Variants in UBE2W observed in about 807,000 individuals in gnomAD.
UBE2W encodes ubiquitin-conjugating enzyme E2 W.
In UBE2W, 18 loss-of-function variants were observed where a neutral mutation model predicts 27.2. The ratio of observed to expected loss-of-function variants is 0.66; its 90% CI spans 0.46 to 0.98. UBE2W has a LOEUF of 0.98. UBE2W is among the 50% of genes least tolerant of loss of function. The pLI, the probability that UBE2W is intolerant of heterozygous loss-of-function variation, is 0.00. For synonymous variants in UBE2W, 53 were observed against 57.2 expected (o/e 0.93, Z 0.33); for missense variants, 90 against 180.2 (o/e 0.50, Z 2.87).
intron 1 of UBE2W, among the ~76,000 whole-genome samples, chr8:73,855,488 G>A (rs912381291): frequency 7.5e-6 from 1 of 133,302 alleles, no homozygotes; most frequent in Non-Finnish European, 1.5e-5. Context: ...TGCAACCTCC[G>A]CCTCACGGGT....
At chr8:73,821,184 T>C (rs1301628815) in intron 3 of UBE2W, among the ~76,000 whole-genome samples, 1 of 152,190 alleles carries the variant, frequency 6.6e-6, no homozygotes, top group Non-Finnish European at 1.5e-5. Context: ...TTGACTGTCC[T>C]ATAAACTAGG....
At chr8:73,780,627 T>A in intron 4 of UBE2W, 1 of 378,120 alleles carries the variant, frequency 2.6e-6, no homozygotes, top group East Asian at 7.3e-5. Flanking sequence ...GTTGAAGCAA[T>A]CTTCACACCT....
chr8:73,839,665 A>C (rs1478445865), intron 1 of UBE2W, among the ~76,000 whole-genome samples: 13 of 151,464 alleles, frequency 8.6e-5, no homozygotes, highest in Admixed American at 3.3e-4. Flanking sequence ...TCAAAAAAAA[A>C]CACAAAAAAC....
rs1808273663 is a variant in UBE2W, at chr8:73,793,179, G to A, written c.*923C>T. On this transcript the variant is annotated 3_prime_UTR_variant, in exon 6 of 6. Transcript: ENST00000602593. ...ACATAAATAAATGAAATAGTGTTTA[G>A]GCAGTAGGGCTCATGCTGATGGCTA... The A allele has an allele frequency of 1.0e-6, 1 of 985,704 alleles. No homozygotes were observed. Among genetic ancestry groups the A allele is most frequent in the Admixed American group, 6.2e-5 (1 of 16,252 alleles). The allele number at this position is 985,704 out of a possible 1,614,324, so 61.1% of individuals were successfully genotyped here. A position where few individuals can be genotyped will look rare whatever the true frequency, so the allele number is the denominator to read the frequency against.
chr8:73,851,323 G>A (rs2130949811), intron 1 of UBE2W, among the ~76,000 whole-genome samples: 1 of 152,032 alleles, frequency 6.6e-6, no homozygotes, highest in South Asian at 2.1e-4. Context: ...TGAAGAGACG[G>A]GTAAAGGCTA....
chr8:73,828,334 A>G (rs986177742), intron 2 of UBE2W, among the ~76,000 whole-genome samples: 5 of 151,950 alleles, frequency 3.3e-5, no homozygotes, highest in Non-Finnish European at 5.9e-5. Context: ...TTCCTAAAGG[A>G]TTTTTCAAAG....
intron 3 of UBE2W, among the ~76,000 whole-genome samples, chr8:73,811,881 A>G (rs1003380983): frequency 1.3e-5 from 2 of 152,132 alleles, no homozygotes; most frequent in Non-Finnish European, 2.9e-5. Flanking sequence ...AGTGAGGTAA[A>G]TATGAATAGA....
Position 73,817,751 on chromosome 8 carries a change from G to C in UBE2W, c.211-7122C>G, listed in dbSNP as rs140972633. 8.3e-3 allele frequency among the ~76,000 whole-genome samples: 1,271 copies of C among 152,302 alleles called. 9 individuals are homozygous for C. Among genetic ancestry groups the C allele is most frequent in the Middle Eastern group, 0.034 (10 of 294 alleles). On this transcript the variant is annotated intron_variant, in intron 3 of 5. Coordinates refer to ENST00000602593, the MANE Select transcript of UBE2W (RefSeq NM_018299.6). ...TGGTCTCAAACTCCTGACCTCAAGTGATCTGCCTGCCTTGGCCTCCCAAAG... is the reference window on the plus strand; with the variant it reads ...TGGTCTCAAACTCCTGACCTCAAGTCATCTGCCTGCCTTGGCCTCCCAAAG...
rs1254739442 is a variant in UBE2W, at chr8:73,805,472, C to CAAACAAAAAACAAAAAACAAAAAAAA, written c.442+178_442+179insTTTTTTTTGTTTTTTGTTTTTTGTTT. Among the ~76,000 whole-genome samples, 87 of 43,698 alleles carry CAAACAAAAAACAAAAAACAAAAAAAA rather than the reference C, an allele frequency of 2.0e-3. 6 individuals are homozygous for CAAACAAAAAACAAAAAACAAAAAAAA. Among genetic ancestry groups the CAAACAAAAAACAAAAAACAAAAAAAA allele is most frequent in the Non-Finnish European group, 3.7e-3 (75 of 20,126 alleles). 28.7% of individuals were successfully genotyped at this position (43,698 alleles called of 152,430 possible). On this transcript the variant is annotated intron_variant, in intron 5 of 5. Transcript: ENST00000602593. ...TCCATCTCAAAAAAAAAAAAAAAAA[C>CAAACAAAAAACAAAAAACAAAAAAAA]AAAAAAAACTAGGGTAATTCATCCA...
At position 73,830,016 on chromosome 8, in the gene UBE2W, T is replaced by A. The variant is rs1018009065; in HGVS notation, c.107+365A>T. Among the ~76,000 whole-genome samples the A allele has an allele frequency of 3.9e-5, 6 of 152,316 alleles. 1 individual carries two copies. In the South Asian group the frequency reaches 8.3e-4, roughly 21 times the overall value. ...GCATGGGATACCTTTTGACTATTAC[T>A]CTCTTCATATGCCTAAATAGATACA... On this transcript the variant is annotated intron_variant, in intron 2 of 5. Coordinates refer to ENST00000602593, the MANE Select transcript of UBE2W (RefSeq NM_018299.6).
At chr8:73,806,088 G>A (rs1401864362) in intron 4 of UBE2W, among the ~76,000 whole-genome samples, 1 of 152,134 alleles carries the variant, frequency 6.6e-6, no homozygotes. Flanking sequence ...CCGGGAGGCA[G>A]AGGTTGCAGT....
chr8:73,811,822 T>C (rs1809165339), intron 3 of UBE2W, among the ~76,000 whole-genome samples: 1 of 152,100 alleles, frequency 6.6e-6, no homozygotes, highest in African/African-American at 2.4e-5. Flanking sequence ...ATATACAGTA[T>C]TGCTTTAGGC....
chr8:73,797,096 A>G (rs1379980203), intron 5 of UBE2W, among the ~76,000 whole-genome samples: 9 of 152,230 alleles, frequency 5.9e-5, no homozygotes, highest in Non-Finnish European at 1.3e-4. Flanking sequence ...ACTTTCAAAT[A>G]TAACATACAA....
In UBE2W at chr8:73,860,208, A is replaced by C. The variant is rs368602267; in HGVS notation, c.15+18600T>G. On this transcript the variant is annotated intron_variant, in intron 1 of 5. Transcript: ENST00000602593. Reference sequence around the variant, plus strand: ...CTGCAAAGTGAAAGAATTACCAACCAAATATTAACTGGGCTGAAAGATGTG... The same window carrying C: ...CTGCAAAGTGAAAGAATTACCAACCCAATATTAACTGGGCTGAAAGATGTG... Among the ~76,000 whole-genome samples the C allele has an allele frequency of 2.0e-5, 3 of 152,152 alleles. No homozygotes were observed. The South Asian group carries it at 6.2e-4, about 32-fold the overall frequency.
At chr8:73,796,584 C>G in intron 5 of UBE2W, 1 of 923,924 alleles carries the variant, frequency 1.1e-6, no homozygotes. Context: ...ATCCCTGTTT[C>G]TGACTGATAT....
In UBE2W at chr8:73,800,913, A is replaced by G. The variant is rs184631753; in HGVS notation, c.442+4738T>C. On this transcript the variant is annotated intron_variant, in intron 5 of 5. Transcript: ENST00000602593. Reference sequence around the variant, plus strand: ...TTCAAGACCAGCCTGACCAACATGGAGAAACCTCATCTCTATTAAAAATAC... The same window carrying G: ...TTCAAGACCAGCCTGACCAACATGGGGAAACCTCATCTCTATTAAAAATAC... Among the ~76,000 whole-genome samples the G allele has an allele frequency of 4.3e-3, 648 of 152,218 alleles. 6 individuals are homozygous for G. Among genetic ancestry groups the G allele is most frequent in the African/African-American group, 0.015 (622 of 41,548 alleles).
At chr8:73,850,515 A>C (rs1238749180) in intron 1 of UBE2W, among the ~76,000 whole-genome samples, 1 of 152,160 alleles carries the variant, frequency 6.6e-6, no homozygotes, top group Admixed American at 6.5e-5. Flanking sequence ...CTTAGCTTTA[A>C]AAATATACTG....
chr8:73,824,844 T>TAG (rs770016183), intron 3 of UBE2W, among the ~76,000 whole-genome samples: 4 of 152,174 alleles, frequency 2.6e-5, no homozygotes, highest in Non-Finnish European at 5.9e-5. Context: ...CATGGACCAG[T>TAG]ACTAGTCCAC....
At chr8:73,824,876 T>C (rs1809769768) in intron 3 of UBE2W, among the ~76,000 whole-genome samples, 1 of 152,228 alleles carries the variant, frequency 6.6e-6, no homozygotes, top group Non-Finnish European at 1.5e-5. Flanking sequence ...TGGGGACCCC[T>C]GGCCTAGAGG....
Sources: gnomAD v4.1 joint callset for allele counts (sites outside exome capture counted in the v4.1 genomes callset) on GRCh38, gnomAD v4.1.1 for gene constraint, MANE v1.5 for transcripts, NCBI Gene and HGNC (gene_info 2026-07-23, HGNC 2026-07-21) for gene names.